The following CFAP97D2 variants were observed in gnomAD, a reference collection of about 807,000 sequenced individuals.
CFAP97D2 encodes uncharacterized protein CFAP97D2.
rs1366477617 is a variant in CFAP97D2, at chr13:114,186,971, AGAGGTTTCCAGCCAGAAAG to A, written c.90+7553_90+7571del. Among the ~76,000 whole-genome samples, 7 of 152,248 alleles carry A rather than the reference AGAGGTTTCCAGCCAGAAAG, an allele frequency of 4.6e-5. No homozygotes were observed. Among genetic ancestry groups the A allele is most frequent in the African/African-American group, 9.6e-5 (4 of 41,468 alleles). On this transcript the variant is annotated intron_variant, in intron 1 of 4. Transcript: ENST00000646158. This position sits in a 1 kb window ranked among gnomAD's most constrained non-coding sequence, Gnocchi z 4.3. ...ATTCGGCAAAGGTGCCACCAGCCAC[AGAGGTTTCCAGCCAGAAAG>A]GCAACACCCTCAAGATTCCCATAAC...
chr13:114,195,495 C>T (rs2080882937), intron 1 of CFAP97D2, among the ~76,000 whole-genome samples: 1 of 152,148 alleles, frequency 6.6e-6, no homozygotes, highest in Non-Finnish European at 1.5e-5. Flanking sequence ...CCAATGCTGT[C>T]GCCTTCAGGT....
rs1284361610 is a variant in CFAP97D2 at position 114,186,821 on chromosome 13, ACACT to A, written c.90+7413_90+7416del. Reference sequence around the variant, plus strand: ...ACTGGCTGTGCAGTGACTGGACCCCACACTCACTCACTCACACACCCCTCGCCAC... The same window carrying A: ...ACTGGCTGTGCAGTGACTGGACCCCACACTCACTCACACACCCCTCGCCAC... On this transcript the variant is annotated intron_variant, in intron 1 of 4. Coordinates refer to ENST00000646158, the Ensembl canonical transcript of CFAP97D2. This position sits in a 1 kb window ranked among gnomAD's most constrained non-coding sequence, Gnocchi z 4.3. Among the ~76,000 whole-genome samples, 1 of 152,180 alleles carries A rather than the reference ACACT, an allele frequency of 6.6e-6. No homozygotes were observed. Among genetic ancestry groups the A allele is most frequent in the South Asian group, 2.1e-4 (1 of 4,820 alleles).
rs112532206 is a variant in CFAP97D2, at chr13:114,199,063, C to G, written c.172-1262C>G. ...CCCGTGGGTACGGTCCCCGCTGAGG[C>G]GTGACGGCGCGTCCCCGTGTGTACG... On this transcript the variant is annotated intron_variant, in intron 2 of 4. Coordinates refer to ENST00000646158, the Ensembl canonical transcript of CFAP97D2. Among the ~76,000 whole-genome samples the G allele has an allele frequency of 4.7e-3, 116 of 24,918 alleles. 1 individual carries two copies. Among genetic ancestry groups the G allele is most frequent in the African/African-American group, 0.012 (31 of 2,492 alleles). 16.3% of individuals were successfully genotyped at this position (24,918 alleles called of 152,430 possible).
At chr13:114,194,058 A>G (rs549839320) in intron 1 of CFAP97D2, among the ~76,000 whole-genome samples, 1 of 152,382 alleles carries the variant, frequency 6.6e-6, no homozygotes, top group African/African-American at 2.4e-5. Flanking sequence ...CCAACTCACT[A>G]TTTTGAAATT....
At chr13:114,219,264 C>G (rs1023545334) in intron 4 of CFAP97D2, among the ~76,000 whole-genome samples, 1 of 152,114 alleles carries the variant, frequency 6.6e-6, no homozygotes, top group Non-Finnish European at 1.5e-5. Context: ...TTAACCTAGT[C>G]CCAGAGGCTT....
At chr13:114,198,654 T>A (rs372772892) in intron 2 of CFAP97D2, among the ~76,000 whole-genome samples, 18 of 96,880 alleles carry the variant, frequency 1.9e-4, no homozygotes, top group African/African-American at 5.4e-4. Flanking sequence ...CGTCCCCGTG[T>A]TTACGGTCCC....
At position 114,182,509 on chromosome 13, in the gene CFAP97D2, C is replaced by T. The variant is rs576343272; in HGVS notation, c.90+3089C>T. The stretch of plus-strand genomic sequence containing the variant: ...CCTTTACCGGTGTCGGGCTGGGGTA[C>T]AGTCAGGTCTTTCTCATCCCACGAG... On this transcript the variant is annotated intron_variant, in intron 1 of 4. Transcript: ENST00000646158. Among the ~76,000 whole-genome samples, 19 of 151,810 alleles carry T rather than the reference C, an allele frequency of 1.3e-4. No individual in the cohort carries two copies. In the East Asian group the frequency reaches 2.7e-3, roughly 22 times the overall value.
chr13:114,218,969 A>G (rs970531561), intron 4 of CFAP97D2, among the ~76,000 whole-genome samples: 2 of 152,246 alleles, frequency 1.3e-5, no homozygotes, highest in African/African-American at 4.8e-5. Flanking sequence ...AGGCATGGGC[A>G]AGGACTTCAT....
chr13:114,197,519 T>C (rs2080893206), intron 2 of CFAP97D2, among the ~76,000 whole-genome samples: 1 of 151,896 alleles, frequency 6.6e-6, no homozygotes, highest in Non-Finnish European at 1.5e-5. Context: ...TGGCTGGGAG[T>C]TGTGGAGGGG....
At chr13:114,206,924 A>C (rs1370717747) in intron 3 of CFAP97D2, among the ~76,000 whole-genome samples, 1 of 152,158 alleles carries the variant, frequency 6.6e-6, no homozygotes, top group African/African-American at 2.4e-5. Context: ...GGTCAGCTGG[A>C]TGTGTATGGA....
At chr13:114,193,883 C>T (rs985251928) in intron 1 of CFAP97D2, among the ~76,000 whole-genome samples, 3 of 152,184 alleles carry the variant, frequency 2.0e-5, no homozygotes, top group Admixed American at 6.5e-5. Context: ...CCATCTGCCT[C>T]GGCCTCCCAG....
chr13:114,217,509 T>G (rs974733194), intron 4 of CFAP97D2, among the ~76,000 whole-genome samples: 1 of 152,180 alleles, frequency 6.6e-6, no homozygotes, highest in African/African-American at 2.4e-5. Flanking sequence ...GTGGGAATCC[T>G]CCCTAACTCA....
chr13:114,218,547 A>C (rs2081005988), intron 4 of CFAP97D2, among the ~76,000 whole-genome samples: 1 of 152,170 alleles, frequency 6.6e-6, no homozygotes, highest in African/African-American at 2.4e-5. Flanking sequence ...ATATGGAACC[A>C]AAAAAGAGCC....
chr13:114,207,822 T>C lies in CFAP97D2; in HGVS notation c.291-4090T>C, dbSNP rs2080948145. Among the ~76,000 whole-genome samples the C allele has an allele frequency of 6.6e-6, 1 of 152,214 alleles. No individual in the cohort carries two copies. The highest frequency in any genetic ancestry group is 2.4e-5 in the African/African-American group (1 of 41,448). On this transcript the variant is annotated intron_variant, in intron 3 of 4. Transcript: ENST00000646158. The surrounding 1 kb of genome is among the most constrained non-coding windows in gnomAD (Gnocchi z 4.9). ...GACTTTGTCACCACCACCATTTTTT[T>C]CCCTAGAGAGGCTATGTGGTGGCTT...
intron 1 of CFAP97D2, among the ~76,000 whole-genome samples, chr13:114,181,876 A>G (rs2080833592): frequency 6.6e-6 from 1 of 150,802 alleles, no homozygotes; most frequent in Admixed American, 6.6e-5. Context: ...AGCGCTCCCC[A>G]ACGCACCTGA....
intron 1 of CFAP97D2, among the ~76,000 whole-genome samples, chr13:114,182,460 T>C (rs980704020): frequency 2.0e-5 from 3 of 151,786 alleles, no homozygotes; most frequent in South Asian, 2.1e-4. Flanking sequence ...CCTTCCTCTT[T>C]TACTAATCCA....
intron 2 of CFAP97D2, among the ~76,000 whole-genome samples, chr13:114,198,506 C>T (rs1159182259): frequency 1.3e-5 from 2 of 152,268 alleles, no homozygotes; most frequent in Non-Finnish European, 2.9e-5. Flanking sequence ...ATTAGCACCA[C>T]CGCCACATGT....
rs2080927744 is a variant in CFAP97D2 at position 114,203,590 on chromosome 13, T to A, written c.290+3147T>A. 6.6e-6 allele frequency among the ~76,000 whole-genome samples: 1 copy of A among 152,188 alleles called. No individual in the cohort carries two copies. Among genetic ancestry groups the A allele is most frequent in the African/African-American group, 2.4e-5 (1 of 41,444 alleles). On this transcript the variant is annotated intron_variant, in intron 3 of 4. Transcript: ENST00000646158. The surrounding 1 kb of genome is among the most constrained non-coding windows in gnomAD (Gnocchi z 4.3). ...CATTGAAGGGTGAGTAGAGCAGGAT[T>A]TTCTTGGGTGACAAGGGAAAAAAAG...
In CFAP97D2 at chr13:114,187,202, G is replaced by A. The variant is rs965372146; in HGVS notation, c.90+7782G>A. On this transcript the variant is annotated intron_variant, in intron 1 of 4. Transcript: ENST00000646158. This position sits in a 1 kb window ranked among gnomAD's most constrained non-coding sequence, Gnocchi z 4.2. Reference sequence around the variant, plus strand: ...GAAGTATGACTGATAAACTAAGAAGGGAGAGAAAATGGAATCATATAAAAT... The same window carrying A: ...GAAGTATGACTGATAAACTAAGAAGAGAGAGAAAATGGAATCATATAAAAT... Among the ~76,000 whole-genome samples, 1 of 151,730 alleles carries A rather than the reference G, an allele frequency of 6.6e-6. No individual in the cohort carries two copies. The highest frequency in any genetic ancestry group is 1.5e-5 in the Non-Finnish European group (1 of 67,928).
Sources: allele counts gnomAD v4.1 joint callset (sites outside exome capture counted in the v4.1 genomes callset), GRCh38; gene constraint gnomAD v4.1.1; non-coding constraint Gnocchi (gnomAD v3.1); transcripts MANE v1.5; gene names NCBI Gene and HGNC (gene_info 2026-07-23, HGNC 2026-07-21).